Variants in RSRC1 observed in about 807,000 individuals in gnomAD.
The protein encoded by RSRC1 is arginine and serine rich coiled-coil 1.
In RSRC1, 39 loss-of-function variants were observed where a neutral mutation model predicts 49.1. That is an observed-to-expected ratio of 0.79 (90% CI 0.61 to 1.04). The LOEUF (loss-of-function observed/expected upper bound fraction) is 1.04. RSRC1 is among the 50% of genes least tolerant of loss of function. The probability of loss-of-function intolerance (pLI) is 0.00; values close to 1 mark genes in which losing one functional copy is unlikely to be tolerated. For synonymous variants in RSRC1, 143 were observed against 130.8 expected (o/e 1.09, Z -0.63); for missense variants, 388 against 402.4 (o/e 0.96, Z 0.31).
At chr3:158,182,840 G>A (rs1159461750) in intron 3 of RSRC1, among the ~76,000 whole-genome samples, 1 of 152,044 alleles carries the variant, frequency 6.6e-6, no homozygotes, top group Non-Finnish European at 1.5e-5. Flanking sequence ...TTTAATTCCA[G>A]TTGTATTGTT....
intron 4 of RSRC1, among the ~76,000 whole-genome samples, chr3:158,249,702 G>C (rs144276089): frequency 6.6e-6 from 1 of 151,554 alleles, no homozygotes; most frequent in African/African-American, 2.4e-5. Flanking sequence ...TTTGGGGCAC[G>C]TAGTAGGTTT....
intron 7 of RSRC1, chr3:158,469,494 G>C (rs894206791): frequency 6.4e-6 from 2 of 313,450 alleles, no homozygotes; most frequent in Non-Finnish European, 1.3e-5. Flanking sequence ...CATAGTCTTT[G>C]CAAAATGAAA....
intron 4 of RSRC1, among the ~76,000 whole-genome samples, chr3:158,235,822 A>G (rs541970402): frequency 6.6e-6 from 1 of 152,344 alleles, no homozygotes; most frequent in African/African-American, 2.4e-5. Context: ...TCCAGCAATT[A>G]GAAAAATAAA....
chr3:158,368,691 A>G (rs1481793088), intron 6 of RSRC1, among the ~76,000 whole-genome samples: 1 of 152,210 alleles, frequency 6.6e-6, no homozygotes, highest in Non-Finnish European at 1.5e-5. Flanking sequence ...GCTTGCTTAT[A>G]TATTAGATAT....
chr3:158,194,157 C>T (rs532078967), intron 3 of RSRC1, among the ~76,000 whole-genome samples: 51 of 151,632 alleles, frequency 3.4e-4, no homozygotes, highest in African/African-American at 1.2e-3. Flanking sequence ...ATCTGTAGTC[C>T]CAGCTACTTG....
chr3:158,136,089 T>C (rs1430556343), intron 3 of RSRC1, among the ~76,000 whole-genome samples: 2 of 152,198 alleles, frequency 1.3e-5, no homozygotes, highest in East Asian at 3.8e-4. Context: ...AATTTGCATT[T>C]CTACCATGTA....
At chr3:158,329,981 G>C (rs1483560330) in intron 5 of RSRC1, among the ~76,000 whole-genome samples, 1 of 152,224 alleles carries the variant, frequency 6.6e-6, no homozygotes, top group Admixed American at 6.5e-5. Context: ...TTCGATCTCA[G>C]AGTGTTGTGC....
At chr3:158,115,557 T>A (rs1291795510) in intron 1 of RSRC1, among the ~76,000 whole-genome samples, 6 of 152,198 alleles carry the variant, frequency 3.9e-5, no homozygotes, top group Non-Finnish European at 5.9e-5. Context: ...AATTTTGAAA[T>A]CTTCATGAAT....
At chr3:158,274,414 T>C (rs1293379563) in intron 4 of RSRC1, among the ~76,000 whole-genome samples, 1 of 152,016 alleles carries the variant, frequency 6.6e-6, no homozygotes, top group Non-Finnish European at 1.5e-5. Context: ...ATTCCTTTAG[T>C]TGAACAACCT....
At chr3:158,534,646 A>T (rs1438393059) in intron 7 of RSRC1, among the ~76,000 whole-genome samples, 3 of 151,644 alleles carry the variant, frequency 2.0e-5, no homozygotes, top group Non-Finnish European at 4.4e-5. Context: ...GAAATTACAC[A>T]TGCACGTGGC....
chr3:158,375,578 G>A, intron 6 of RSRC1, among the ~76,000 whole-genome samples: 1 of 151,916 alleles, frequency 6.6e-6, no homozygotes. Flanking sequence ...TTCATTTAGT[G>A]AGGCAAACAC....
chr3:158,382,689 A>G (rs1460663675), intron 6 of RSRC1, among the ~76,000 whole-genome samples: 1 of 152,186 alleles, frequency 6.6e-6, no homozygotes, highest in Non-Finnish European at 1.5e-5. Context: ...TTTGAATAAC[A>G]AATTTGAATG....
intron 6 of RSRC1, among the ~76,000 whole-genome samples, chr3:158,434,619 C>G (rs1314866701): frequency 6.6e-6 from 1 of 151,906 alleles, no homozygotes; most frequent in Non-Finnish European, 1.5e-5. Flanking sequence ...CCTAGCGAAA[C>G]TCGGGTGCTG....
intron 6 of RSRC1, among the ~76,000 whole-genome samples, chr3:158,447,947 A>T (rs906849775): frequency 3.3e-5 from 5 of 152,020 alleles, no homozygotes; most frequent in East Asian, 1.9e-4. Context: ...CTCTTTAAAA[A>T]ATATATATAC....
At chr3:158,445,594 G>GTA (rs1326626087) in intron 6 of RSRC1, among the ~76,000 whole-genome samples, 3 of 151,982 alleles carry the variant, frequency 2.0e-5, no homozygotes, top group African/African-American at 7.3e-5. Flanking sequence ...CATGGCACAT[G>GTA]TATATATATG....
intron 6 of RSRC1, among the ~76,000 whole-genome samples, chr3:158,408,534 A>G (rs1734268563): frequency 6.6e-6 from 1 of 152,210 alleles, no homozygotes. Flanking sequence ...TCGCAGAAAA[A>G]AAATGAGCAA....
At chr3:158,164,326 T>C (rs1718413895) in intron 3 of RSRC1, among the ~76,000 whole-genome samples, 1 of 152,062 alleles carries the variant, frequency 6.6e-6, no homozygotes, top group Non-Finnish European at 1.5e-5. Flanking sequence ...AACTGTTCTT[T>C]TTTTTTTAAA....
chr3:158,226,157 A>C (rs1722521067), intron 4 of RSRC1, among the ~76,000 whole-genome samples: 1 of 151,878 alleles, frequency 6.6e-6, no homozygotes, highest in African/African-American at 2.4e-5. Flanking sequence ...ATCTGAAAGG[A>C]CAGGTGAAAA....
At chr3:158,285,098 A>C (rs1726436021) in intron 4 of RSRC1, among the ~76,000 whole-genome samples, 1 of 152,176 alleles carries the variant, frequency 6.6e-6, no homozygotes, top group African/African-American at 2.4e-5. Flanking sequence ...ATCCAGTTTC[A>C]GCTTTCTACA....
Sources: gnomAD v4.1 joint callset for allele counts (sites outside exome capture counted in the v4.1 genomes callset) on GRCh38, gnomAD v4.1.1 for gene constraint, MANE v1.5 for transcripts, NCBI Gene and HGNC (gene_info 2026-07-23, HGNC 2026-07-21) for gene names.